DLC1: variants seen among roughly 807,000 people sequenced by gnomAD.
DLC1 encodes rho GTPase-activating protein 7.
DLC1 carries 54 observed loss-of-function variants against 140.3 expected under a neutral mutation model. The ratio of observed to expected loss-of-function variants is 0.38; its 90% CI spans 0.31 to 0.48. DLC1 has a LOEUF of 0.48. DLC1 is among the 20% of genes least tolerant of loss of function. The pLI is 0.96. For synonymous variants in DLC1, 986 were observed against 728.1 expected (o/e 1.35, Z -5.70); for missense variants, 2,536 against 1,907.0 (o/e 1.33, Z -6.14).
chr8:13,223,133 T>G, intron 5 of DLC1, among the ~76,000 whole-genome samples: 1 of 152,176 alleles, frequency 6.6e-6, no homozygotes, highest in Non-Finnish European at 1.5e-5. Context: ...TGTGCCTCAA[T>G]ATTTTCTTTG....
At position 13,086,121 on chromosome 8, in the gene DLC1, T is replaced by A. The variant is rs533494271; in HGVS notation, c.4466+169A>T. 157 of 1,322,868 alleles carry A rather than the reference T, an allele frequency of 1.2e-4. 1 individual carries two copies. The South Asian group carries it at 2.0e-3, about 17-fold the overall frequency. The allele number at this position is 1,322,868 out of a possible 1,614,324, so 81.9% of individuals were successfully genotyped here. ...TTTCTAAGGGAACCAAATTACGAAG[T>A]GGTCGCTGAAAGACCAACAAACATG... On this transcript the variant is annotated intron_variant, in intron 17 of 17. Transcript: ENST00000276297.
intron 2 of DLC1, among the ~76,000 whole-genome samples, chr8:13,476,504 C>A (rs1368859267): frequency 1.3e-5 from 2 of 148,458 alleles, no homozygotes; most frequent in African/African-American, 2.5e-5. Flanking sequence ...ACATAGTCAA[C>A]CATGTAATTT....
At chr8:13,117,520 G>A (rs1013836353) in intron 5 of DLC1, among the ~76,000 whole-genome samples, 2 of 152,058 alleles carry the variant, frequency 1.3e-5, no homozygotes, top group African/African-American at 4.8e-5. Context: ...CTATCTGTGT[G>A]CCTGCCCCCT....
chr8:13,108,067 A>C (rs1298122676), intron 7 of DLC1, among the ~76,000 whole-genome samples: 4 of 151,976 alleles, frequency 2.6e-5, no homozygotes, highest in Non-Finnish European at 4.4e-5. Context: ...AAATAAAATA[A>C]AGGAAGCTGC....
At chr8:13,258,731 A>G (rs1041623166) in intron 5 of DLC1, among the ~76,000 whole-genome samples, 1 of 152,164 alleles carries the variant, frequency 6.6e-6, no homozygotes, top group Non-Finnish European at 1.5e-5. Flanking sequence ...ATTAGTTTCT[A>G]TCTTTCTATT....
At chr8:13,246,475 T>C (rs1347968761) in intron 5 of DLC1, among the ~76,000 whole-genome samples, 4 of 151,440 alleles carry the variant, frequency 2.6e-5, no homozygotes, top group South Asian at 4.3e-4. Context: ...GATTCACTCA[T>C]GTGGCATTCT....
chr8:13,491,871 A>G (rs571755537), intron 2 of DLC1, among the ~76,000 whole-genome samples: 3 of 152,308 alleles, frequency 2.0e-5, no homozygotes, highest in Admixed American at 2.0e-4. Flanking sequence ...CTGAAAATAA[A>G]TATCTTACCA....
intron 5 of DLC1, among the ~76,000 whole-genome samples, chr8:13,294,244 C>G (rs1831865709): frequency 6.6e-6 from 1 of 152,212 alleles, no homozygotes; most frequent in Non-Finnish European, 1.5e-5. Context: ...TGCTCTAAAA[C>G]TGAAGCCTAA....
At chr8:13,219,515 A>G (rs1393184478) in intron 5 of DLC1, among the ~76,000 whole-genome samples, 1 of 149,680 alleles carries the variant, frequency 6.7e-6, no homozygotes, top group Non-Finnish European at 1.5e-5. Context: ...GAAACTGCCA[A>G]ATTATCTTAA....
rs185215197 is a variant in DLC1 at position 13,458,802 on chromosome 8, A to C, written c.1023+40247T>G. On this transcript the variant is annotated intron_variant, in intron 2 of 17. Transcript: ENST00000276297. ...ATGTGTAATATAAAATAATCTAAAA[A>C]ACCAAGCCCACAGTCTTTCTTCATT... 1.6e-3 allele frequency among the ~76,000 whole-genome samples: 245 copies of C among 151,360 alleles called. 1 individual carries two copies. Among genetic ancestry groups the C allele is most frequent in the African/African-American group, 5.7e-3 (235 of 41,294 alleles).
intron 2 of DLC1, among the ~76,000 whole-genome samples, chr8:13,403,807 GTTTTT>G (rs369715973): frequency 1.1e-5 from 1 of 87,296 alleles, no homozygotes; most frequent in Non-Finnish European, 2.1e-5. Context: ...AGGTCTGGCT[GTTTTT>G]TTTTTTTTTT....
At chr8:13,375,227 C>G (rs1438491529) in intron 4 of DLC1, among the ~76,000 whole-genome samples, 1 of 152,066 alleles carries the variant, frequency 6.6e-6, no homozygotes, top group Non-Finnish European at 1.5e-5. Context: ...CGGGGTTTCA[C>G]TGTGTTAGCC....
At chr8:13,573,332 A>G (rs1804731822) in intron 1 of DLC1, among the ~76,000 whole-genome samples, 1 of 152,152 alleles carries the variant, frequency 6.6e-6, no homozygotes, top group Non-Finnish European at 1.5e-5. Context: ...ACTTTGCTGA[A>G]CTCATTTATT....
chr8:13,125,009 C>A (rs890199120), intron 5 of DLC1, among the ~76,000 whole-genome samples: 1 of 151,750 alleles, frequency 6.6e-6, no homozygotes, highest in African/African-American at 2.4e-5. Context: ...CAGAGTCTCA[C>A]TGTGTCACCC....
At chr8:13,170,192 A>G (rs1396717269) in intron 5 of DLC1, among the ~76,000 whole-genome samples, 1 of 152,208 alleles carries the variant, frequency 6.6e-6, no homozygotes, top group Non-Finnish European at 1.5e-5. Context: ...GTATACTAAA[A>G]TTCTTTAGAG....
chr8:13,160,052 G>A (rs1824564818), intron 5 of DLC1: 1 of 152,308 alleles, frequency 6.6e-6, no homozygotes, highest in Non-Finnish European at 1.5e-5. Flanking sequence ...CAACTACTCA[G>A]GAGGCTGAGG....
At chr8:13,365,639 G>A (rs771651825) in intron 4 of DLC1, among the ~76,000 whole-genome samples, 2 of 152,150 alleles carry the variant, frequency 1.3e-5, no homozygotes, top group South Asian at 2.1e-4. Flanking sequence ...TGAGCGAGCC[G>A]TGGTGAGACG....
intron 5 of DLC1, among the ~76,000 whole-genome samples, chr8:13,134,118 G>C (rs568015859): frequency 6.6e-6 from 1 of 152,178 alleles, no homozygotes; most frequent in Non-Finnish European, 1.5e-5. Flanking sequence ...GCTCTCAGAT[G>C]ATTCTGATGG....
intron 5 of DLC1, among the ~76,000 whole-genome samples, chr8:13,159,683 C>T (rs1009081854): frequency 3.9e-5 from 6 of 152,040 alleles, no homozygotes; most frequent in African/African-American, 1.2e-4. Context: ...ACATGTCCAC[C>T]GTCTCTCCAG....
Sources: allele counts gnomAD v4.1 joint callset (sites outside exome capture counted in the v4.1 genomes callset), GRCh38; gene constraint gnomAD v4.1.1; transcripts MANE v1.5; gene names NCBI Gene and HGNC (gene_info 2026-07-23, HGNC 2026-07-21).